Variants in STPG4 observed in about 807,000 individuals in gnomAD.
STPG4 encodes the protein sperm-tail PG-rich repeat containing 4.
A neutral mutation model predicts 31.5 loss-of-function variants in STPG4; 41 were observed. The ratio of observed to expected loss-of-function variants is 1.30; its 90% CI spans 1.01 to 1.69. STPG4 has a LOEUF of 1.69. STPG4 is among the 40% of genes most tolerant of loss of function. The probability of loss-of-function intolerance (pLI) is 0.00; values close to 1 mark genes in which losing one functional copy is unlikely to be tolerated. For missense variants in STPG4, 375 were observed against 293.4 expected (o/e 1.28, Z -2.03); for synonymous variants, 141 against 103.0 (o/e 1.37, Z -2.24).
chr2:47,132,100 G>T (rs1445131906), intron 3 of STPG4, among the ~76,000 whole-genome samples: 1 of 152,020 alleles, frequency 6.6e-6, no homozygotes, highest in African/African-American at 2.4e-5. Context: ...GGGAGGCGGG[G>T]GTTGCAGTGA....
At chr2:47,113,828 A>T (rs1365630274) in intron 5 of STPG4, among the ~76,000 whole-genome samples, 1 of 151,720 alleles carries the variant, frequency 6.6e-6, no homozygotes, top group Admixed American at 6.6e-5. Flanking sequence ...AGGTCAAGAG[A>T]TCAAGACCAT....
rs373117563 is a variant in STPG4 at position 47,128,411 on chromosome 2, A to C, written c.519+1530T>G. 3.3e-5 allele frequency among the ~76,000 whole-genome samples: 5 copies of C among 152,294 alleles called. No individual in the cohort carries two copies. In the East Asian group the frequency reaches 7.7e-4, roughly 24 times the overall value. On this transcript the variant is annotated intron_variant, in intron 5 of 6. Transcript: ENST00000445927. ...AGGCAGCATGCTGCCCCCTGGGCCA[A>C]GTGCAGATCAGAAATACCATCTGGG... is the stretch of plus-strand genomic sequence containing the variant.
At chr2:47,152,466 T>C (rs757476695) in intron 2 of STPG4, among the ~76,000 whole-genome samples, 6 of 152,228 alleles carry the variant, frequency 3.9e-5, no homozygotes, top group Non-Finnish European at 7.3e-5. Flanking sequence ...CCCTCTATTA[T>C]TGAAGGGCAT....
chr2:47,150,612 C>T (rs1183326811), intron 3 of STPG4, among the ~76,000 whole-genome samples: 2 of 151,460 alleles, frequency 1.3e-5, no homozygotes, highest in Non-Finnish European at 2.9e-5. Flanking sequence ...AACTCCCAGG[C>T]TCAAGGGATC....
chr2:47,136,274 T>C (rs1686593067), intron 3 of STPG4, among the ~76,000 whole-genome samples: 1 of 152,076 alleles, frequency 6.6e-6, no homozygotes, highest in African/African-American at 2.4e-5. Context: ...GCTTCCCGAG[T>C]AGCTGGGGTT....
At chr2:47,131,013 T>C (rs1321522356) in intron 3 of STPG4, among the ~76,000 whole-genome samples, 2 of 146,618 alleles carry the variant, frequency 1.4e-5, no homozygotes, top group Admixed American at 6.8e-5. Flanking sequence ...AGGATCTCAC[T>C]ATGTTGCCCG....
Position 47,095,049 on chromosome 2 carries a change from A to G in STPG4, c.520-4675T>C, listed in dbSNP as rs943311809. Among the ~76,000 whole-genome samples the G allele has an allele frequency of 3.3e-5, 5 of 152,206 alleles. No individual in the cohort carries two copies. The South Asian group carries it at 6.2e-4, about 19-fold the overall frequency. On this transcript the variant is annotated intron_variant, in intron 5 of 6. Transcript: ENST00000445927. ...TGCCAGATGCCTCCTAGAGAACGTG[A>G]GAGTAGATGAAACTGTCCCAAGTTG... is the stretch of plus-strand genomic sequence containing the variant.
chr2:47,091,150 A>AAGGG (rs547620600), intron 5 of STPG4, among the ~76,000 whole-genome samples: 57 of 130,588 alleles, frequency 4.4e-4, no homozygotes, highest in Non-Finnish European at 5.8e-4. Context: ...GAAGGAAGGG[A>AAGGG]AGGGAGGGAG....
intron 5 of STPG4, among the ~76,000 whole-genome samples, chr2:47,107,079 T>C (rs1433910827): frequency 6.6e-6 from 1 of 151,942 alleles, no homozygotes; most frequent in African/African-American, 2.4e-5. Context: ...AGTTGGGGTG[T>C]CCTGTTTAGA....
chr2:47,130,245 G>A lies in STPG4; in HGVS notation c.415C>T (p.Pro139Ser). 1 of 1,614,096 alleles carries A rather than the reference G, an allele frequency of 6.2e-7. No individual in the cohort carries two copies. The highest frequency in any genetic ancestry group is 2.2e-5 in the East Asian group (1 of 44,870). The change falls in exon 4 of 7, where the codon CCG becomes TCG. Residue 139 changes from proline to serine, a missense_variant. Coordinates refer to ENST00000445927, the MANE Select transcript of STPG4 (RefSeq NM_001163561.2). ...VDKDQSLQLSPGQYNVLPAPV... is the reference protein window; with the variant it reads ...VDKDQSLQLSSGQYNVLPAPV... ...GCAGGAAGCACGTTGTATTGCCCCGGAGAAAGCTGAAGTGACTGCACAGAA... is the reference window on the plus strand; with the variant it reads ...GCAGGAAGCACGTTGTATTGCCCCGAAGAAAGCTGAAGTGACTGCACAGAA...
At chr2:47,119,387 A>G (rs1686221149) in intron 5 of STPG4, among the ~76,000 whole-genome samples, 1 of 152,224 alleles carries the variant, frequency 6.6e-6, no homozygotes, top group African/African-American at 2.4e-5. Flanking sequence ...ATCTCCCAAA[A>G]TCTCCTCCAT....
intron 5 of STPG4, among the ~76,000 whole-genome samples, chr2:47,118,659 T>C (rs1034429758): frequency 6.6e-6 from 1 of 152,124 alleles, no homozygotes; most frequent in Non-Finnish European, 1.5e-5. Context: ...ACCAAAAAAC[T>C]AAGCCCTGAC....
intron 5 of STPG4, among the ~76,000 whole-genome samples, chr2:47,106,206 G>T (rs1289632807): frequency 6.6e-6 from 1 of 151,902 alleles, no homozygotes; most frequent in Non-Finnish European, 1.5e-5. Context: ...GTAAATTTCT[G>T]TCTACCCAGC....
At chr2:47,121,206 A>G (rs1686267441) in intron 5 of STPG4, 1 of 154,076 alleles carries the variant, frequency 6.5e-6, no homozygotes, top group South Asian at 2.0e-4. Flanking sequence ...GTCTCCCCTC[A>G]CCCCTAGCTG....
chr2:47,122,618 G>A (rs1359987662), intron 5 of STPG4, among the ~76,000 whole-genome samples: 3 of 151,334 alleles, frequency 2.0e-5, no homozygotes, highest in Admixed American at 1.3e-4. Flanking sequence ...TAAAAATCTT[G>A]TATTAATAAA....
At chr2:47,097,015 A>C (rs1685684730) in intron 5 of STPG4, among the ~76,000 whole-genome samples, 1 of 152,144 alleles carries the variant, frequency 6.6e-6, no homozygotes, top group African/African-American at 2.4e-5. Context: ...AGGCATCTGG[A>C]GTAACCCCTT....
chr2:47,119,046 C>T (rs17036272), intron 5 of STPG4, among the ~76,000 whole-genome samples: 5 of 152,230 alleles, frequency 3.3e-5, no homozygotes, highest in African/African-American at 1.2e-4. Flanking sequence ...ATTTATCACA[C>T]GAAGGTTTGA....
chr2:47,104,427 A>T (rs956249660), intron 5 of STPG4, among the ~76,000 whole-genome samples: 1 of 152,002 alleles, frequency 6.6e-6, no homozygotes, highest in Non-Finnish European at 1.5e-5. Flanking sequence ...ATGAGGCAGA[A>T]ATTCCACTAT....
intron 3 of STPG4, among the ~76,000 whole-genome samples, chr2:47,142,376 T>C (rs566057924): frequency 1.5e-4 from 23 of 152,312 alleles, no homozygotes; most frequent in African/African-American, 4.8e-4. Context: ...AACCTTTAAA[T>C]TGAAATTTCA....
Sources: allele counts gnomAD v4.1 joint callset (sites outside exome capture counted in the v4.1 genomes callset), GRCh38; gene constraint gnomAD v4.1.1; transcripts MANE v1.5; gene names NCBI Gene and HGNC (gene_info 2026-07-23, HGNC 2026-07-21).